C6orf163: variants seen among roughly 807,000 people sequenced by gnomAD.
C6orf163 encodes chromosome 6 open reading frame 163.
A neutral mutation model predicts 28.4 loss-of-function variants in C6orf163; 22 were observed. The ratio of observed to expected loss-of-function variants is 0.78; its 90% CI spans 0.55 to 1.11. The LOEUF is 1.11. Ranked by LOEUF, C6orf163 falls within the 50% of genes least tolerant of loss-of-function variation. The probability of loss-of-function intolerance (pLI) is 0.00; values close to 1 mark genes in which losing one functional copy is unlikely to be tolerated. For synonymous variants in C6orf163, 110 were observed against 123.6 expected (o/e 0.89, Z 0.73); for missense variants, 342 against 389.1 (o/e 0.88, Z 1.02).
chr6:87,364,926 C>A, intron 4 of C6orf163, 35 bp from the exon 5 acceptor site: 1 of 1,447,458 alleles, frequency 6.9e-7, no homozygotes, highest in South Asian at 1.3e-5. Flanking sequence ...AGTGGCCAAT[C>A]CATCTAAATT....
chr6:87,352,219 T>C (rs1045307556), intron 3 of C6orf163, among the ~76,000 whole-genome samples: 1 of 152,236 alleles, frequency 6.6e-6, no homozygotes, highest in African/African-American at 2.4e-5. Flanking sequence ...CAACCTGTTA[T>C]ATCTGTAGGA....
At chr6:87,347,094 A>T (rs895529411) in intron 1 of C6orf163, among the ~76,000 whole-genome samples, 13 of 152,202 alleles carry the variant, frequency 8.5e-5, no homozygotes, top group Admixed American at 2.6e-4. Context: ...ACCACAAAGG[A>T]ACTCCCTCGT....
intron 3 of C6orf163, among the ~76,000 whole-genome samples, chr6:87,355,289 G>A (rs912099131): frequency 1.2e-4 from 19 of 152,160 alleles, no homozygotes; most frequent in East Asian, 5.8e-4. Flanking sequence ...GGCTGGGCAC[G>A]GTGGCTCATG....
At chr6:87,347,174 C>G (rs1777337569) in intron 1 of C6orf163, among the ~76,000 whole-genome samples, 1 of 152,178 alleles carries the variant, frequency 6.6e-6, no homozygotes, top group African/African-American at 2.4e-5. Flanking sequence ...TGTTCTCTAT[C>G]ACTATAATTT....
chr6:87,364,305 A>G (rs543374089), intron 4 of C6orf163, among the ~76,000 whole-genome samples: 2 of 152,168 alleles, frequency 1.3e-5, no homozygotes, highest in East Asian at 3.9e-4. Flanking sequence ...AAATTATACC[A>G]TTCTTCTCAT....
chr6:87,356,234 G>A (rs937129767), intron 3 of C6orf163, 67 bp from the exon 4 acceptor site: 7 of 1,269,596 alleles, frequency 5.5e-6, no homozygotes, highest in Non-Finnish European at 5.6e-6. Context: ...GGTTTAAATA[G>A]CCTCCTAATG....
At chr6:87,345,314 C>T in intron 1 of C6orf163, 67 bp downstream of exon 1, 1 of 1,393,832 alleles carries the variant, frequency 7.2e-7, no homozygotes, top group South Asian at 1.6e-5. Context: ...CTTTCTGTTA[C>T]ATAGACTTTT....
intron 3 of C6orf163, among the ~76,000 whole-genome samples, chr6:87,354,686 T>G (rs1777471655): frequency 6.6e-6 from 1 of 152,242 alleles, no homozygotes; most frequent in Admixed American, 6.5e-5. Flanking sequence ...GAGAGATTCT[T>G]AAAGTTGATT....
chr6:87,356,168 T>C (rs1426782763), intron 3 of C6orf163, 133 bp from the exon 4 acceptor site: 5 of 752,390 alleles, frequency 6.6e-6, no homozygotes, highest in African/African-American at 1.8e-5. Flanking sequence ...ATACACACTC[T>C]TCTTTTAAAT....
chr6:87,350,490 A>G lies in C6orf163; in HGVS notation c.340A>G (p.Lys114Glu). Residue 114 changes from lysine (K) to glutamate (E), a missense_variant, in exon 3 of 5, where the codon AAA (lysine) becomes GAA (glutamate). Lys to Glu is a moderately conservative substitution (Grantham distance 56). Coordinates refer to ENST00000388923, the MANE Select transcript of C6orf163 (RefSeq NM_001010868.3). Reference protein sequence around the residue: ...EIQILKEEHQKDLQEVTAKTK... With the variant: ...EIQILKEEHQEDLQEVTAKTK... ...TCAGATTTTGAAAGAGGAACATCAG[A>G]AAGATTTACAGGTTTTTATAGTGGC... 6.6e-7 allele frequency: 1 copy of G among 1,521,422 alleles called. No individual in the cohort carries two copies. The highest frequency in any genetic ancestry group is 8.8e-7 in the Non-Finnish European group (1 of 1,133,152). 94.2% of individuals were successfully genotyped at this position (1,521,422 alleles called of 1,614,324 possible). A position where few individuals can be genotyped will look rare whatever the true frequency, so the allele number is the denominator to read the frequency against.
At chr6:87,348,030 C>T in intron 1 of C6orf163, 1 of 464,708 alleles carries the variant, frequency 2.2e-6, no homozygotes, top group Non-Finnish European at 2.8e-6. Flanking sequence ...GTGGTGGGCG[C>T]CTGTAATTCC....
chr6:87,359,692 T>G (rs1224729993), intron 4 of C6orf163, among the ~76,000 whole-genome samples: 1 of 152,268 alleles, frequency 6.6e-6, no homozygotes, highest in Non-Finnish European at 1.5e-5. Flanking sequence ...TATCAGATTA[T>G]GTTTTTATTT....
At position 87,361,367 on chromosome 6, in the gene C6orf163, A is replaced by G. The variant is rs193067878; in HGVS notation, c.555-3594A>G. Among the ~76,000 whole-genome samples the G allele has an allele frequency of 1.4e-3, 207 of 152,304 alleles. 1 individual carries two copies. Among genetic ancestry groups the G allele is most frequent in the Non-Finnish European group, 1.9e-3 (127 of 68,010 alleles). ...GTTAGCAGTAAGAGATTTTGATATC[A>G]GGGAGTCTGAAAGGGACTGTCATTG... On this transcript the variant is annotated intron_variant, in intron 4 of 4. Coordinates refer to ENST00000388923, the MANE Select transcript of C6orf163 (RefSeq NM_001010868.3).
At chr6:87,362,412 G>T (rs995977479) in intron 4 of C6orf163, among the ~76,000 whole-genome samples, 3 of 152,178 alleles carry the variant, frequency 2.0e-5, no homozygotes, top group Non-Finnish European at 2.9e-5. Context: ...GGGAGGCGGA[G>T]GTTGCAGTGA....
intron 4 of C6orf163, among the ~76,000 whole-genome samples, chr6:87,360,459 C>T (rs529590683): frequency 1.4e-5 from 2 of 141,378 alleles, no homozygotes; most frequent in African/African-American, 2.6e-5. Context: ...TGCAGTGATG[C>T]GATTTCTGCT....
intron 1 of C6orf163, chr6:87,347,380 C>G (rs1218161766): frequency 1.0e-6 from 1 of 984,600 alleles, no homozygotes; most frequent in Non-Finnish European, 1.2e-6. Context: ...ACTAATAAAA[C>G]CAATGGGATT....
chr6:87,356,835 C>T, intron 4 of C6orf163: 1 of 219,990 alleles, frequency 4.5e-6, no homozygotes, highest in East Asian at 1.0e-4. Flanking sequence ...TGGTATTTTT[C>T]ATTCTGTATC....
intron 3 of C6orf163, among the ~76,000 whole-genome samples, chr6:87,351,156 C>T (rs1777405888): frequency 6.6e-6 from 1 of 152,176 alleles, no homozygotes; most frequent in African/African-American, 2.4e-5. Flanking sequence ...CCCTAGGATT[C>T]ATTGTTAGTT....
At chr6:87,351,478 C>T (rs917286232) in intron 3 of C6orf163, among the ~76,000 whole-genome samples, 1 of 152,218 alleles carries the variant, frequency 6.6e-6, no homozygotes, top group African/African-American at 2.4e-5. Flanking sequence ...GGGAGCTCCT[C>T]CCCATGAGTC....
Sources: gnomAD v4.1 joint callset for allele counts (sites outside exome capture counted in the v4.1 genomes callset) on GRCh38, gnomAD v4.1.1 for gene constraint, MANE v1.5 for transcripts, NCBI Gene and HGNC (gene_info 2026-07-23, HGNC 2026-07-21) for gene names.